VIPR1: variants seen among roughly 807,000 people sequenced by gnomAD.
VIPR1 encodes vasoactive intestinal polypeptide receptor 1.
Under a neutral mutation model 58.8 loss-of-function variants are expected in VIPR1, and 59 were observed. The ratio of observed to expected loss-of-function variants is 1.00; its 90% CI spans 0.81 to 1.25. VIPR1 has a LOEUF of 1.25. Ranked by LOEUF, VIPR1 falls within the 50% of genes most tolerant of loss-of-function variation. VIPR1 has a pLI of 0.00. For missense variants in VIPR1, 626 were observed against 602.7 expected (o/e 1.04, Z -0.40); for synonymous variants, 251 against 242.1 (o/e 1.04, Z -0.34).
chr3:42,525,952 A>T lies in VIPR1; in HGVS notation c.358A>T (p.Ile120Phe), dbSNP rs780364312. ...WTHLEPGPYPIACGLDDKAAS... is the reference protein window; with the variant it reads ...WTHLEPGPYPFACGLDDKAAS... The stretch of plus-strand genomic sequence containing the variant: ...GCACCTGGAGCCTGGCCCGTACCCC[A>T]TTGCCTGTGGTTTGGATGACAAGGC... Residue 120 changes from isoleucine to phenylalanine, a missense_variant, in exon 4 of 13, where the codon ATT becomes TTT. Coordinates refer to ENST00000325123, the MANE Select transcript of VIPR1 (RefSeq NM_004624.4). 6.2e-7 allele frequency: 1 copy of T among 1,613,606 alleles called. No individual in the cohort carries two copies. Among genetic ancestry groups the T allele is most frequent in the South Asian group, 1.1e-5 (1 of 90,896 alleles).
chr3:42,523,350 C>G (rs1019416381), intron 3 of VIPR1, among the ~76,000 whole-genome samples: 1 of 152,142 alleles, frequency 6.6e-6, no homozygotes, highest in Admixed American at 6.5e-5. Flanking sequence ...GTCCCCTCCC[C>G]TCCTCTCCTT....
intron 3 of VIPR1, 104 bp downstream of exon 3, chr3:42,519,434 G>A: frequency 1.0e-6 from 1 of 976,468 alleles, no homozygotes. Context: ...AAAGAGGCTG[G>A]AGCAATCCGA....
chr3:42,500,685 G>A (rs1380078420), upstream of VIPR1, among the ~76,000 whole-genome samples: 1 of 152,130 alleles, frequency 6.6e-6, no homozygotes, highest in Non-Finnish European at 1.5e-5. Context: ...CCGAGACGGG[G>A]TACACAGGGT....
intron 7 of VIPR1, 145 bp from the exon 8 acceptor site, chr3:42,531,326 C>G (rs1319976087): frequency 2.4e-6 from 2 of 828,876 alleles, no homozygotes; most frequent in Non-Finnish European, 3.9e-6. Flanking sequence ...GGTGAACAAC[C>G]TATGCAACCA....
chr3:42,527,268 A>G, intron 4 of VIPR1, 125 bp from the exon 5 acceptor site: 1 of 834,406 alleles, frequency 1.2e-6, no homozygotes, highest in South Asian at 1.6e-5. Flanking sequence ...CCCAGACCTC[A>G]GCCTCCTCAT....
At chr3:42,527,302 C>T in intron 4 of VIPR1, 91 bp from the exon 5 acceptor site, 1 of 1,237,350 alleles carries the variant, frequency 8.1e-7, no homozygotes. Flanking sequence ...GTTGGGCAGG[C>T]AGAGTGTGTA....
chr3:42,527,166 C>T (rs1292644285), intron 4 of VIPR1, among the ~76,000 whole-genome samples: 7 of 152,178 alleles, frequency 4.6e-5, no homozygotes, highest in Admixed American at 2.0e-4. Flanking sequence ...ACAGGAAGTA[C>T]ATTCAACCCC....
At chr3:42,503,697 G>C (rs906381368) in intron 1 of VIPR1, among the ~76,000 whole-genome samples, 1 of 152,140 alleles carries the variant, frequency 6.6e-6, no homozygotes, top group African/African-American at 2.4e-5. Context: ...GTCTACTGAA[G>C]CCCATTTTAC....
chr3:42,536,386 T>C lies in VIPR1; in HGVS notation c.*105T>C, dbSNP rs1577264936. 4.7e-6 allele frequency: 6 copies of C among 1,282,216 alleles called. No individual in the cohort carries two copies. The highest frequency in any genetic ancestry group is 6.2e-6 in the Non-Finnish European group (6 of 970,508). The allele number at this position is 1,282,216 out of a possible 1,614,324, so 79.4% of individuals were successfully genotyped here. On this transcript the variant is annotated 3_prime_UTR_variant, in exon 13 of 13. Coordinates refer to ENST00000325123, the MANE Select transcript of VIPR1 (RefSeq NM_004624.4). The stretch of plus-strand genomic sequence containing the variant: ...GCCCGGGCGCGGCCAGCCCCGGCCC[T>C]GGGCTCGGAGGCTGCCCCCGGCCCC...
At chr3:42,514,587 A>AC (rs1700534211) in intron 2 of VIPR1, among the ~76,000 whole-genome samples, 1 of 150,420 alleles carries the variant, frequency 6.6e-6, no homozygotes, top group Admixed American at 6.6e-5. Context: ...ACACACGCCC[A>AC]GCCCCTAAGC....
chr3:42,512,723 C>T lies in VIPR1; in HGVS notation c.79-1026C>T, dbSNP rs139079662. 50 of 985,122 alleles carry T rather than the reference C, an allele frequency of 5.1e-5. 1 individual carries two copies. The East Asian group carries it at 5.1e-3, about 101-fold the overall frequency. The allele number at this position is 985,122 out of a possible 1,614,324, so 61.0% of individuals were successfully genotyped here. ...TCTTGCTGGACTCTCTTCTATGGCCCTGGTGGAAACTGACATTCTTCTCCC... is the reference window on the plus strand; with the variant it reads ...TCTTGCTGGACTCTCTTCTATGGCCTTGGTGGAAACTGACATTCTTCTCCC... On this transcript the variant is annotated intron_variant, in intron 1 of 12. Transcript: ENST00000325123.
intron 3 of VIPR1, among the ~76,000 whole-genome samples, chr3:42,524,067 G>A (rs1701101640): frequency 6.6e-6 from 1 of 152,196 alleles, no homozygotes; most frequent in African/African-American, 2.4e-5. Context: ...TGCCTGCCTT[G>A]GCCTACCAAA....
intron 10 of VIPR1, chr3:42,533,500 G>A (rs946906064): frequency 6.6e-6 from 1 of 152,080 alleles, no homozygotes; most frequent in African/African-American, 2.4e-5. Context: ...CTCCTTTGCC[G>A]ATGGGACCTT....
chr3:42,513,907 T>A, intron 2 of VIPR1, 53 bp downstream of exon 2: 2 of 1,520,354 alleles, frequency 1.3e-6, no homozygotes, highest in Non-Finnish European at 1.8e-6. Context: ...AGCCCAAGAT[T>A]CCTCATGTCT....
At chr3:42,535,188 C>T in intron 11 of VIPR1, 84 bp downstream of exon 11, 1 of 1,605,376 alleles carries the variant, frequency 6.2e-7, no homozygotes, top group Non-Finnish European at 8.5e-7. Flanking sequence ...CCACTGGATT[C>T]CAACCTTTTT....
At chr3:42,531,625 A>C in intron 8 of VIPR1, 94 bp downstream of exon 8, 1 of 1,569,878 alleles carries the variant, frequency 6.4e-7, no homozygotes, top group South Asian at 1.1e-5. Flanking sequence ...GTGAGTGGAC[A>C]AAAACCACAG....
At chr3:42,522,101 A>ATATATATATATATATATATATTTTT (rs1419353370) in intron 3 of VIPR1, among the ~76,000 whole-genome samples, 1 of 35,380 alleles carries the variant, frequency 2.8e-5, no homozygotes, top group African/African-American at 1.1e-4. Flanking sequence ...ATATATATAT[A>ATATATATATATATATATATATTTTT]TTTTTTTTTT....
In VIPR1 at chr3:42,495,403, G is replaced by A. The variant is rs1036423328; in HGVS notation, c.-245+5725G>A. Among the ~76,000 whole-genome samples, 4 of 152,326 alleles carry A rather than the reference G, an allele frequency of 2.6e-5. No homozygotes were observed. In the East Asian group the frequency reaches 7.7e-4, roughly 29 times the overall value. ...CCCAAAGTGCTGGGATTACAGGCATGAGCCACTGTGCCTGGCCTGCTGTAG... is the reference window on the plus strand; with the variant it reads ...CCCAAAGTGCTGGGATTACAGGCATAAGCCACTGTGCCTGGCCTGCTGTAG... On this transcript the variant is annotated intron_variant, in intron 1 of 13. Transcript: ENST00000433647.
intron 10 of VIPR1, chr3:42,534,382 TG>T (rs1393424189): frequency 1.3e-5 from 2 of 152,418 alleles, no homozygotes; most frequent in African/African-American, 4.8e-5. Context: ...TGGTCTCTCA[TG>T]GATGCACTAT....
Sources: gnomAD v4.1 joint callset for allele counts (sites outside exome capture counted in the v4.1 genomes callset) on GRCh38, gnomAD v4.1.1 for gene constraint, MANE v1.5 for transcripts, NCBI Gene and HGNC (gene_info 2026-07-23, HGNC 2026-07-21) for gene names.